Variants in USP33 observed in about 807,000 individuals in gnomAD.
The protein encoded by USP33 is ubiquitin carboxyl-terminal hydrolase 33.
A neutral mutation model predicts 124.2 loss-of-function variants in USP33; 46 were observed. That is an observed-to-expected ratio of 0.37 (90% CI 0.29 to 0.47). The LOEUF is 0.47. Among genes scored for constraint, USP33 ranks in the 20% least tolerant of loss-of-function variants. The pLI is 0.99. For missense variants in USP33, 851 were observed against 1,070.6 expected (o/e 0.79, Z 2.86); for synonymous variants, 350 against 352.3 (o/e 0.99, Z 0.07).
At chr1:77,715,232 C>T (rs767272599) in intron 18 of USP33, among the ~76,000 whole-genome samples, 43 of 151,546 alleles carry the variant, frequency 2.8e-4, no homozygotes, top group Non-Finnish European at 3.5e-4. Context: ...TTTCAGATGG[C>T]GTCTCACTCT....
At position 77,730,629 on chromosome 1, in the gene USP33, C is replaced by A; in HGVS notation, c.627G>T (p.Trp209Cys). ...KSYLKLMTEL[W>C]HKSRPGSVVP... ...ATTAAGTTACATACCTGCTTTTATG[C>A]CACAGCTCTGTCATTAGTTTGAGAT... Residue 209 changes from tryptophan (W) to cysteine (C), a missense_variant, in exon 8 of 24, where the codon TGG becomes TGT. This residue lies in a region of USP33 where 221 missense variants were observed against 302.9 expected (regional missense o/e 0.73). Transcript: ENST00000370794. 1 of 1,579,470 alleles carries A rather than the reference C, an allele frequency of 6.3e-7. No homozygotes were observed. The highest frequency in any genetic ancestry group is 1.2e-5 in the South Asian group (1 of 84,502).
intron 18 of USP33, 119 bp downstream of exon 18, chr1:77,715,623 G>A: frequency 1.7e-6 from 2 of 1,188,722 alleles, no homozygotes; most frequent in Non-Finnish European, 1.2e-6. Flanking sequence ...TTACTGTAAT[G>A]AAATAGGAGG....
intron 11 of USP33, among the ~76,000 whole-genome samples, chr1:77,723,787 C>G (rs1676848985): frequency 6.6e-6 from 1 of 152,038 alleles, no homozygotes; most frequent in African/African-American, 2.4e-5. Flanking sequence ...ACCTTAGCCT[C>G]CCAAGTAGCT....
At chr1:77,742,637 T>G (rs1679258605) in intron 1 of USP33, among the ~76,000 whole-genome samples, 1 of 152,170 alleles carries the variant, frequency 6.6e-6, no homozygotes. Context: ...TCTAATTTGG[T>G]ATTCCTAGAT....
rs1557844833 is a variant in USP33, at chr1:77,728,557, T to G, written c.873A>C (p.Glu291Asp). The G allele has an allele frequency of 6.2e-7, 1 of 1,614,174 alleles. No homozygotes were observed. The highest frequency in any genetic ancestry group is 8.5e-7 in the Non-Finnish European group (1 of 1,180,020). The change falls in exon 10 of 24, where the codon GAA becomes GAC. Residue 291 changes from glutamate to aspartate, a missense_variant. Transcript: ENST00000370794. ...CTGCTCTATCACTGTTGCTACAAGA[T>G]TCACAAGACTGAAAATCTACATCCG... Reference protein sequence around the residue: ...SQSDVDFQSCESCSNSDRAEN... With the variant: ...SQSDVDFQSCDSCSNSDRAEN...
intron 12 of USP33, among the ~76,000 whole-genome samples, chr1:77,722,678 C>T (rs955408948): frequency 2.0e-5 from 3 of 152,142 alleles, no homozygotes; most frequent in South Asian, 2.1e-4. Flanking sequence ...TACATTAAAA[C>T]GACCCGATTG....
At chr1:77,734,813 T>C (rs1029888680) in intron 6 of USP33, among the ~76,000 whole-genome samples, 2 of 152,190 alleles carry the variant, frequency 1.3e-5, no homozygotes, top group Non-Finnish European at 1.5e-5. Context: ...CCTTTCCATT[T>C]CAACGTATTG....
At chr1:77,731,271 G>C (rs978967094) in intron 7 of USP33, among the ~76,000 whole-genome samples, 6 of 152,104 alleles carry the variant, frequency 3.9e-5, no homozygotes, top group African/African-American at 1.4e-4. Context: ...AACTAAACAG[G>C]ATAAAAATTT....
intron 1 of USP33, among the ~76,000 whole-genome samples, chr1:77,744,415 A>G (rs1289273472): frequency 2.0e-5 from 3 of 152,230 alleles, no homozygotes; most frequent in Non-Finnish European, 4.4e-5. Flanking sequence ...GATATAGGGG[A>G]AAATGTTCAA....
chr1:77,715,876 T>G lies in USP33; in HGVS notation c.1919-8A>C, dbSNP rs745930187. ...AGGCTATATAGTGTCCACCTGAATT[T>G]GAGGGAAAAGAAATCATTACAGTAA... On this transcript the variant is annotated splice_polypyrimidine_tract_variant and splice_region_variant and intron_variant, in intron 17 of 23. Transcript: ENST00000370794. The G allele has an allele frequency of 6.2e-7, 1 of 1,608,458 alleles. No homozygotes were observed. Among genetic ancestry groups the G allele is most frequent in the South Asian group, 1.1e-5 (1 of 89,610 alleles).
intron 20 of USP33, 116 bp downstream of exon 20, chr1:77,713,084 A>G: frequency 1.3e-6 from 1 of 787,142 alleles, no homozygotes; most frequent in Non-Finnish European, 2.0e-6. Context: ...AGAATGAATA[A>G]GTAAGGGAAA....
intron 21 of USP33, 154 bp from the exon 22 acceptor site, chr1:77,701,625 C>A (rs910829752): frequency 3.4e-6 from 2 of 584,338 alleles, no homozygotes; most frequent in South Asian, 2.2e-5. Context: ...CCAGTCTGGG[C>A]AACATCGTGA....
In USP33 at chr1:77,722,111, T is replaced by G. The variant is rs1676629591; in HGVS notation, c.1475A>C (p.His492Pro). 6.2e-7 allele frequency: 1 copy of G among 1,614,042 alleles called. No individual in the cohort carries two copies. Among genetic ancestry groups the G allele is most frequent in the African/African-American group, 1.3e-5 (1 of 74,928 alleles). ...EDLAKLHSSSHPTSIVKAGSC... is the reference protein window; with the variant it reads ...EDLAKLHSSSPPTSIVKAGSC... ...TCCTGCTTTGACTATAGAAGTTGGA[T>G]GACTTGATGAATGCAGCTTAGCAAG... Residue 492 changes from histidine (H) to proline (P), a missense_variant, in exon 13 of 24, where the codon CAT becomes CCT. Transcript: ENST00000370794.
At chr1:77,739,921 C>T (rs1678921185) in intron 4 of USP33, among the ~76,000 whole-genome samples, 1 of 152,166 alleles carries the variant, frequency 6.6e-6, no homozygotes, top group Admixed American at 6.5e-5. Context: ...TTTATCAATT[C>T]TCCCAATGGT....
chr1:77,722,474 A>G (rs1402743461), intron 12 of USP33: 1 of 231,280 alleles, frequency 4.3e-6, no homozygotes, highest in Non-Finnish European at 8.4e-6. Flanking sequence ...CTGCAGCATT[A>G]AACACCCCAA....
chr1:77,734,448 T>A (rs1178467042), intron 6 of USP33, 32 bp from the exon 7 acceptor site: 1 of 1,387,816 alleles, frequency 7.2e-7, no homozygotes, highest in East Asian at 2.3e-5. Flanking sequence ...GAAGTCATCA[T>A]TCAATAATGC....
chr1:77,733,220 C>A (rs1178853630), intron 7 of USP33, among the ~76,000 whole-genome samples: 1 of 151,818 alleles, frequency 6.6e-6, no homozygotes, highest in African/African-American at 2.4e-5. Flanking sequence ...AAGGTGAAAC[C>A]CCATCTCTAC....
intron 12 of USP33, among the ~76,000 whole-genome samples, chr1:77,722,679 G>A (rs973854885): frequency 1.3e-5 from 2 of 152,024 alleles, no homozygotes; most frequent in Non-Finnish European, 2.9e-5. Flanking sequence ...ACATTAAAAC[G>A]ACCCGATTGA....
Position 77,733,085 on chromosome 1 carries a change from G to A in USP33, c.524+1262C>T, listed in dbSNP as rs116288256. ...TGGGATTACAGGCATGAACCACCAC[G>A]CCTGGCCTAAATGTCTCTTCTTTAA... On this transcript the variant is annotated intron_variant, in intron 7 of 23. Transcript: ENST00000370794. Among the ~76,000 whole-genome samples, 556 of 151,404 alleles carry A rather than the reference G, an allele frequency of 3.7e-3. 1 individual carries two copies. The highest frequency in any genetic ancestry group is 0.014 in the Middle Eastern group (4 of 294).
Sources: gnomAD v4.1 joint callset for allele counts (sites outside exome capture counted in the v4.1 genomes callset) on GRCh38, gnomAD v4.1.1 for gene constraint, gnomAD v4.1.1 regional missense constraint, MANE v1.5 for transcripts, NCBI Gene and HGNC (gene_info 2026-07-23, HGNC 2026-07-21) for gene names.